PRKN: variants seen among roughly 807,000 people sequenced by gnomAD.
PRKN encodes parkin RBR E3 ubiquitin protein ligase, also known as E3 ubiquitin-protein ligase parkin.
PRKN carries 56 observed loss-of-function variants against 59.5 expected under a neutral mutation model. That is an observed-to-expected ratio of 0.94 (90% CI 0.76 to 1.18). The LOEUF is 1.18. Ranked by LOEUF, PRKN falls within the 50% of genes most tolerant of loss-of-function variation. PRKN has a pLI of 0.00. For synonymous variants in PRKN, 250 were observed against 222.1 expected, an observed-to-expected ratio of 1.13 and a Z score of -1.12; for missense variants, 657 against 596.4, an observed-to-expected ratio of 1.10 and a Z score of -1.06.
At chr6:161,633,399 GC>G (rs557966535) in intron 7 of PRKN, among the ~76,000 whole-genome samples, 6 of 152,120 alleles carry the variant, frequency 3.9e-5, no homozygotes, top group Non-Finnish European at 8.8e-5. Context: ...ATTCCCCTTA[GC>G]AACATTGAAT....
In PRKN at chr6:161,565,985, T is replaced by C. The variant is rs1022590978; in HGVS notation, c.933+3370A>G. ...ATCCAAGGACACTGCTCCTGAATTC[T>C]CCCTTCCCCCTTCTGCATCATCAGT... On this transcript the variant is annotated intron_variant, in intron 8 of 11. Transcript: ENST00000366898. 6.6e-5 allele frequency among the ~76,000 whole-genome samples: 10 copies of C among 152,300 alleles called. No homozygotes were observed. In the East Asian group the frequency reaches 1.7e-3, roughly 26 times the overall value.
intron 9 of PRKN, among the ~76,000 whole-genome samples, chr6:161,392,127 C>T (rs10455882): frequency 0.07 from 10,671 of 151,912 alleles, 437 homozygotes; most frequent in Admixed American, 0.1. Flanking sequence ...TTAATAGAGA[C>T]GGGGTTTCAC....
chr6:162,006,300 C>T (rs1226413127), intron 5 of PRKN, among the ~76,000 whole-genome samples: 2 of 152,128 alleles, frequency 1.3e-5, no homozygotes, highest in Non-Finnish European at 2.9e-5. Flanking sequence ...GAAAAATTCT[C>T]ACACCACTAA....
chr6:162,550,656 C>T lies in PRKN; in HGVS notation c.8-107183G>A, dbSNP rs544726026. Reference sequence around the variant, plus strand: ...ATTTCAGAGGAGTTGGTTCTAGAGTCTATTTTATTAATATCTAAGCATATG... The same window carrying T: ...ATTTCAGAGGAGTTGGTTCTAGAGTTTATTTTATTAATATCTAAGCATATG... On this transcript the variant is annotated intron_variant, in intron 1 of 11. Coordinates refer to ENST00000366898, the MANE Select transcript of PRKN (RefSeq NM_004562.3). Among the ~76,000 whole-genome samples the T allele has an allele frequency of 4.1e-3, 627 of 152,252 alleles. 4 individuals are homozygous for T. The highest frequency in any genetic ancestry group is 5.7e-3 in the Non-Finnish European group (391 of 68,020).
chr6:162,319,441 T>C (rs765178471), intron 2 of PRKN, among the ~76,000 whole-genome samples: 3 of 152,048 alleles, frequency 2.0e-5, no homozygotes, highest in African/African-American at 7.2e-5. Flanking sequence ...CCAGCCTAAA[T>C]TGTTGACCCA....
chr6:161,914,549 T>C (rs182280832), intron 6 of PRKN, among the ~76,000 whole-genome samples: 1 of 152,028 alleles, frequency 6.6e-6, no homozygotes, highest in African/African-American at 2.4e-5. Context: ...ATGTAACTTT[T>C]ATTAAAAAGA....
chr6:161,603,384 T>TA (rs1763030967), intron 7 of PRKN, among the ~76,000 whole-genome samples: 1 of 152,204 alleles, frequency 6.6e-6, no homozygotes, highest in Non-Finnish European at 1.5e-5. Context: ...CCAAATAAGG[T>TA]AATTGTTCAA....
chr6:161,861,430 T>A (rs1793891627), intron 6 of PRKN, among the ~76,000 whole-genome samples: 1 of 151,992 alleles, frequency 6.6e-6, no homozygotes, highest in Non-Finnish European at 1.5e-5. Flanking sequence ...TGTTGGGCAA[T>A]GGGGGGTAAA....
intron 7 of PRKN, among the ~76,000 whole-genome samples, chr6:161,693,614 A>G (rs1430470394): frequency 6.6e-6 from 1 of 152,240 alleles, no homozygotes; most frequent in Non-Finnish European, 1.5e-5. Context: ...TCTTTCTAAT[A>G]TTGGAAAAGT....
intron 5 of PRKN, among the ~76,000 whole-genome samples, chr6:161,980,414 G>T (rs1040764953): frequency 2.6e-5 from 4 of 152,200 alleles, no homozygotes; most frequent in Non-Finnish European, 4.4e-5. Context: ...ATAGCTATTT[G>T]CATGGCTCAG....
intron 3 of PRKN, among the ~76,000 whole-genome samples, chr6:162,242,140 G>GT (rs1273377228): frequency 2.6e-5 from 4 of 152,052 alleles, no homozygotes; most frequent in African/African-American, 4.8e-5. Flanking sequence ...TTACCACCAA[G>GT]TTTTACATTG....
At chr6:162,410,312 CAG>C (rs1289306909) in intron 2 of PRKN, among the ~76,000 whole-genome samples, 1 of 152,082 alleles carries the variant, frequency 6.6e-6, no homozygotes, top group Non-Finnish European at 1.5e-5. Flanking sequence ...CCACCCTGAC[CAG>C]AGTTTGCCCC....
At chr6:162,152,365 C>T (rs1011822226) in intron 4 of PRKN, among the ~76,000 whole-genome samples, 1 of 152,114 alleles carries the variant, frequency 6.6e-6, no homozygotes, top group African/African-American at 2.4e-5. Flanking sequence ...TCCATGACAC[C>T]CTTCCTGAAT....
At chr6:161,851,136 G>T (rs536464398) in intron 6 of PRKN, among the ~76,000 whole-genome samples, 1 of 152,284 alleles carries the variant, frequency 6.6e-6, no homozygotes, top group South Asian at 2.1e-4. Context: ...GGTTATGAGG[G>T]CTCTGCTCTC....
chr6:162,033,591 A>G (rs1319179116), intron 5 of PRKN, among the ~76,000 whole-genome samples: 2 of 152,226 alleles, frequency 1.3e-5, no homozygotes, highest in Non-Finnish European at 2.9e-5. Flanking sequence ...AATTTGGTCA[A>G]TATCTCTTTA....
intron 10 of PRKN, among the ~76,000 whole-genome samples, chr6:161,384,983 G>A (rs1014105041): frequency 1.3e-5 from 2 of 152,156 alleles, no homozygotes; most frequent in Non-Finnish European, 1.5e-5. Context: ...AGGCTGGAGT[G>A]CAGTGGTGCG....
intron 7 of PRKN, among the ~76,000 whole-genome samples, chr6:161,570,146 A>AAAAAATATAT (rs869285771): frequency 9.1e-5 from 7 of 76,582 alleles, no homozygotes; most frequent in African/African-American, 4.8e-4. Context: ...AAAAAAAAAA[A>AAAAAATATAT]ATATATATAT....
At chr6:162,516,737 G>T (rs6455839) in intron 1 of PRKN, among the ~76,000 whole-genome samples, 149,865 of 149,938 alleles carry the variant, frequency 1, 74,896 homozygotes, top group African/African-American at 1. Context: ...CACTCCAGCC[G>T]GGGCAACAGA....
At chr6:162,321,354 T>G (rs1005451301) in intron 2 of PRKN, among the ~76,000 whole-genome samples, 2 of 151,850 alleles carry the variant, frequency 1.3e-5, no homozygotes, top group East Asian at 3.9e-4. Flanking sequence ...TTGAATAGAC[T>G]TATGTCTATT....
Sources: allele counts gnomAD v4.1 joint callset (sites outside exome capture counted in the v4.1 genomes callset), GRCh38; gene constraint gnomAD v4.1.1; transcripts MANE v1.5; gene names NCBI Gene and HGNC (gene_info 2026-07-23, HGNC 2026-07-21).